RBFOX1: variants seen among roughly 807,000 people sequenced by gnomAD.
The protein encoded by RBFOX1 is RNA binding protein fox-1 homolog 1.
RBFOX1 carries 8 observed loss-of-function variants against 57.7 expected under a neutral mutation model. The observed-to-expected ratio is 0.14, with a 90% CI of 0.08 to 0.25. The LOEUF (loss-of-function observed/expected upper bound fraction) is 0.25, where lower values mean the gene tolerates loss of function less well. Among genes scored for constraint, RBFOX1 ranks in the 10% least tolerant of loss-of-function variants. The pLI, the probability that RBFOX1 is intolerant of heterozygous loss-of-function variation, is 1.00. For missense variants in RBFOX1, 611 were observed against 548.5 expected, an observed-to-expected ratio of 1.11 and a Z score of -1.14; for synonymous variants, 326 against 222.4, an observed-to-expected ratio of 1.47 and a Z score of -4.15.
At chr16:6,561,615 A>G (rs1028818059) in intron 2 of RBFOX1, among the ~76,000 whole-genome samples, 32 of 152,234 alleles carry the variant, frequency 2.1e-4, no homozygotes, top group African/African-American at 7.7e-4. Flanking sequence ...GGAAAATTCA[A>G]TTCAGTTGCA....
chr16:6,899,088 A>G (rs1488484960), intron 3 of RBFOX1, among the ~76,000 whole-genome samples: 1 of 107,886 alleles, frequency 9.3e-6, no homozygotes, highest in Non-Finnish European at 1.8e-5. Flanking sequence ...GTACACGTGT[A>G]TAATGTGTGT....
At chr16:7,567,296 TATGG>T (rs2092005013) in intron 5 of RBFOX1, among the ~76,000 whole-genome samples, 1 of 64,342 alleles carries the variant, frequency 1.6e-5, no homozygotes, top group Non-Finnish European at 3.4e-5. Context: ...TATCCTTATA[TATGG>T]CCCTATATAT....
intron 4 of RBFOX1, chr16:7,304,561 G>T (rs1482080392): frequency 1.0e-6 from 1 of 985,204 alleles, no homozygotes; most frequent in Non-Finnish European, 1.2e-6. Context: ...ACTGGGCTGC[G>T]CTTCGGTGCC....
intron 2 of RBFOX1, among the ~76,000 whole-genome samples, chr16:5,558,829 G>C (rs1410119218): frequency 6.6e-6 from 1 of 152,108 alleles, no homozygotes; most frequent in African/African-American, 2.4e-5. Flanking sequence ...AAAGGTGTCA[G>C]AAAACTAGAG....
intron 1 of RBFOX1, among the ~76,000 whole-genome samples, chr16:6,206,572 G>A (rs1362563644): frequency 6.6e-6 from 1 of 152,144 alleles, no homozygotes; most frequent in Admixed American, 6.6e-5. Context: ...AATGTTCAAT[G>A]TTTGTTGAAT....
At chr16:5,890,733 G>A (rs987053236) in intron 4 of RBFOX1, among the ~76,000 whole-genome samples, 2 of 149,702 alleles carry the variant, frequency 1.3e-5, no homozygotes, top group Non-Finnish European at 3.0e-5. Flanking sequence ...TGAAGGTGCT[G>A]GTCTTCAGCC....
intron 2 of RBFOX1, among the ~76,000 whole-genome samples, chr16:5,581,784 G>A (rs2046676005): frequency 6.6e-6 from 1 of 152,300 alleles, no homozygotes; most frequent in African/African-American, 2.4e-5. Context: ...GAAGAGGAGG[G>A]AGGAGCGAGT....
At chr16:5,508,870 C>T (rs903894496) in intron 2 of RBFOX1, among the ~76,000 whole-genome samples, 15 of 152,184 alleles carry the variant, frequency 9.9e-5, no homozygotes, top group Non-Finnish European at 4.4e-5. Context: ...GTCAAGTGGA[C>T]CCGGAGGCTG....
intron 3 of RBFOX1, among the ~76,000 whole-genome samples, chr16:6,915,171 G>C (rs1369002516): frequency 6.6e-6 from 1 of 152,170 alleles, no homozygotes; most frequent in Non-Finnish European, 1.5e-5. Flanking sequence ...CACTGGGGCT[G>C]AGCTGCTGCT....
chr16:5,408,223 C>A (rs550537647), intron 1 of RBFOX1, among the ~76,000 whole-genome samples: 2 of 152,268 alleles, frequency 1.3e-5, no homozygotes, highest in South Asian at 4.1e-4. Flanking sequence ...CTTGGCAAAA[C>A]CTCAGCTTAG....
chr16:5,552,980 C>T (rs1480822263), intron 2 of RBFOX1, among the ~76,000 whole-genome samples: 1 of 152,106 alleles, frequency 6.6e-6, no homozygotes, highest in African/African-American at 2.4e-5. Flanking sequence ...ATGTCCTTTA[C>T]AGGGACATGG....
intron 1 of RBFOX1, among the ~76,000 whole-genome samples, chr16:6,211,042 A>G (rs2097293421): frequency 6.6e-6 from 1 of 152,058 alleles, no homozygotes; most frequent in Non-Finnish European, 1.5e-5. Context: ...TGAAGAAAAC[A>G]CACATAGCAC....
chr16:7,117,551 C>G (rs1002382095), intron 4 of RBFOX1, among the ~76,000 whole-genome samples: 3 of 152,176 alleles, frequency 2.0e-5, no homozygotes, highest in African/African-American at 7.2e-5. Context: ...AATCTATTAA[C>G]TTACCACAAT....
intron 3 of RBFOX1, among the ~76,000 whole-genome samples, chr16:5,641,732 G>A (rs2048882293): frequency 6.6e-6 from 1 of 152,192 alleles, no homozygotes; most frequent in Non-Finnish European, 1.5e-5. Flanking sequence ...ATAGCAAGGA[G>A]CTCAGCGGAA....
At chr16:7,540,168 G>A (rs1483941720) in intron 5 of RBFOX1, among the ~76,000 whole-genome samples, 1 of 152,172 alleles carries the variant, frequency 6.6e-6, no homozygotes, top group Admixed American at 6.5e-5. Context: ...CTACTTTAGA[G>A]TTATCTTTTA....
chr16:6,490,544 G>A (rs1465073177), intron 2 of RBFOX1, among the ~76,000 whole-genome samples: 1 of 152,130 alleles, frequency 6.6e-6, no homozygotes, highest in Non-Finnish European at 1.5e-5. Flanking sequence ...TTAGGCATAG[G>A]TATCTGCTTA....
In RBFOX1 at chr16:5,580,013, C is replaced by A. The variant is rs146142152; in HGVS notation, c.259-18889C>A. Among the ~76,000 whole-genome samples, 349 of 152,298 alleles carry A rather than the reference C, an allele frequency of 2.3e-3. 1 individual carries two copies. The highest frequency in any genetic ancestry group is 7.9e-3 in the African/African-American group (327 of 41,560). On this transcript the variant is annotated intron_variant, in intron 2 of 2. Transcript: ENST00000585867. ...CTTGAACCCCTGACCTCAGGTGATG[C>A]ACCCACCTTGGCCTCCCAAAGTGCT...
chr16:6,772,895 G>T (rs1337535419), intron 3 of RBFOX1, among the ~76,000 whole-genome samples: 4 of 149,732 alleles, frequency 2.7e-5, no homozygotes, highest in Non-Finnish European at 5.9e-5. Context: ...GGGTGCATTT[G>T]TGTGTGTGTG....
At position 7,042,429 on chromosome 16, in the gene RBFOX1, G is replaced by A. The variant is rs182474892; in HGVS notation, c.-15-9628G>A. On this transcript the variant is annotated intron_variant, in intron 3 of 15. Transcript: ENST00000550418. ...AATATTTCCTATCTTTACGGTTTTA[G>A]GAATTCACTCACTCTGTGCCTCAGT... Among the ~76,000 whole-genome samples, 233 of 151,756 alleles carry A rather than the reference G, an allele frequency of 1.5e-3. 2 individuals are homozygous for A. Among genetic ancestry groups the A allele is most frequent in the Non-Finnish European group, 2.6e-3 (176 of 67,752 alleles).
Sources: gnomAD v4.1 joint callset for allele counts (sites outside exome capture counted in the v4.1 genomes callset) on GRCh38, gnomAD v4.1.1 for gene constraint, MANE v1.5 for transcripts, NCBI Gene and HGNC (gene_info 2026-07-23, HGNC 2026-07-21) for gene names.